EOGT: variants seen among roughly 807,000 people sequenced by gnomAD.
The protein encoded by EOGT is EGF domain specific O-linked N-acetylglucosamine transferase, also known as EGF domain-specific O-linked N-acetylglucosamine transferase.
In EOGT, 55 loss-of-function variants were observed where a neutral mutation model predicts 70.5. That is an observed-to-expected ratio of 0.78 (90% CI 0.63 to 0.98). The LOEUF (loss-of-function observed/expected upper bound fraction) is 0.98, where lower values mean the gene tolerates loss of function less well. Ranked by LOEUF, EOGT falls within the 50% of genes least tolerant of loss-of-function variation. The pLI, the probability that EOGT is intolerant of heterozygous loss-of-function variation, is 0.00. For synonymous variants in EOGT, 246 were observed against 217.1 expected, an observed-to-expected ratio of 1.13 and a Z score of -1.17; for missense variants, 703 against 641.9, an observed-to-expected ratio of 1.10 and a Z score of -1.03.
intron 6 of EOGT, among the ~76,000 whole-genome samples, chr3:69,005,677 G>A (rs922842810): frequency 6.6e-6 from 1 of 152,190 alleles, no homozygotes; most frequent in African/African-American, 2.4e-5. Flanking sequence ...GTTTTAATAA[G>A]AGGTGCTTTC....
intron 7 of EOGT, among the ~76,000 whole-genome samples, chr3:69,004,870 C>G (rs2091397258): frequency 6.6e-6 from 1 of 152,024 alleles, no homozygotes; most frequent in African/African-American, 2.4e-5. Flanking sequence ...TTGAGACCCG[C>G]CTGGGCAACG....
Position 69,009,618 on chromosome 3 carries a change from G to A in EOGT, c.210+19C>T. ...AATTGCATCCTCATAAAAATAAGGA[G>A]AAAAGAAATAATACCTACCTTATAT... On this transcript the variant is annotated intron_variant, in intron 4 of 17. Transcript: ENST00000383701. 2 of 1,586,782 alleles carry A rather than the reference G, an allele frequency of 1.3e-6. No individual in the cohort carries two copies. Among genetic ancestry groups the A allele is most frequent in the Non-Finnish European group, 1.7e-6 (2 of 1,156,496 alleles).
chr3:68,988,962 T>A lies in EOGT; in HGVS notation c.887A>T (p.Tyr296Phe). ...ATAAGTTTTCAAATGTATAACGTCA[T>A]AATCAGTAAATGCATTCCATGTGTC... The part of the protein sequence containing the change: ...FSDTWNAFTD[Y>F]DVIHLKTYDS... Residue 296 changes from tyrosine (Y) to phenylalanine (F), a missense_variant, in exon 11 of 18, where the codon TAT becomes TTT. Coordinates refer to ENST00000383701, the MANE Select transcript of EOGT (RefSeq NM_001278689.2). The A allele has an allele frequency of 1.3e-6, 2 of 1,532,136 alleles. No homozygotes were observed. The highest frequency in any genetic ancestry group is 1.7e-6 in the Non-Finnish European group (2 of 1,144,876). The allele number at this position is 1,532,136 out of a possible 1,614,324, so 94.9% of individuals were successfully genotyped here.
chr3:68,998,206 G>T, intron 9 of EOGT, 92 bp from the exon 10 acceptor site: 1 of 720,734 alleles, frequency 1.4e-6, no homozygotes, highest in African/African-American at 1.8e-5. Flanking sequence ...CAGTTTAAGA[G>T]AATTTTAGTT....
intron 9 of EOGT, among the ~76,000 whole-genome samples, chr3:69,000,482 G>A (rs569835759): frequency 9.2e-5 from 14 of 152,036 alleles, no homozygotes; most frequent in African/African-American, 3.4e-4. Context: ...ATTTTTACTC[G>A]CTTTTATTTC....
At chr3:68,993,275 A>AGGG (rs1458575192) in intron 10 of EOGT, among the ~76,000 whole-genome samples, 1 of 152,190 alleles carries the variant, frequency 6.6e-6, no homozygotes, top group Non-Finnish European at 1.5e-5. Context: ...CACAGCACCC[A>AGGG]AATCACCTTT....
intron 10 of EOGT, among the ~76,000 whole-genome samples, chr3:68,994,039 T>C (rs1015134210): frequency 3.3e-5 from 5 of 152,174 alleles, no homozygotes; most frequent in Non-Finnish European, 7.3e-5. Context: ...AGGACCAATC[T>C]GGGTACCATA....
At chr3:68,989,474 G>A (rs1208487356) in intron 10 of EOGT, among the ~76,000 whole-genome samples, 1 of 152,084 alleles carries the variant, frequency 6.6e-6, no homozygotes, top group Non-Finnish European at 1.5e-5. Flanking sequence ...CTGGCTGGGT[G>A]CGGTGGCTCA....
chr3:68,994,726 A>G (rs761870148), intron 10 of EOGT, among the ~76,000 whole-genome samples: 6 of 152,112 alleles, frequency 3.9e-5, no homozygotes, highest in Non-Finnish European at 7.4e-5. Context: ...GGGAAGCGGA[A>G]GTTGCAGTGA....
intron 10 of EOGT, among the ~76,000 whole-genome samples, 151 bp from the exon 11 acceptor site, chr3:68,989,168 T>C (rs1575731397): frequency 6.6e-6 from 1 of 152,350 alleles, no homozygotes; most frequent in African/African-American, 2.4e-5. Context: ...TGGATCTTCA[T>C]CTTGGGCCAG....
In EOGT at chr3:68,979,855, T is replaced by C. The variant is rs1035415546; in HGVS notation, c.1215-68A>G. 5 of 1,474,320 alleles carry C rather than the reference T, an allele frequency of 3.4e-6. No individual in the cohort carries two copies. In the African/African-American group the frequency reaches 7.0e-5, roughly 21 times the overall value. 91.3% of individuals were successfully genotyped at this position (1,474,320 alleles called of 1,614,324 possible). ...AGAAGTATTAGGTTGAGTTAGTTCATGATTCACAGTAAGGATATTTATAAA... is the reference window on the plus strand; with the variant it reads ...AGAAGTATTAGGTTGAGTTAGTTCACGATTCACAGTAAGGATATTTATAAA... On this transcript the variant is annotated intron_variant, in intron 15 of 17. Transcript: ENST00000383701.
chr3:68,982,269 C>A (rs935872443), intron 15 of EOGT, among the ~76,000 whole-genome samples: 9 of 152,202 alleles, frequency 5.9e-5, no homozygotes, highest in African/African-American at 2.2e-4. Flanking sequence ...CCTTTAATTG[C>A]AGCACTTTGG....
chr3:68,998,261 G>A (rs1318562156), intron 9 of EOGT, 147 bp from the exon 10 acceptor site: 1 of 590,856 alleles, frequency 1.7e-6, no homozygotes, highest in Non-Finnish European at 2.9e-6. Context: ...TTCCAAACAT[G>A]AAATGATCTA....
At chr3:68,979,063 C>G (rs1301785810) in intron 16 of EOGT, among the ~76,000 whole-genome samples, 1 of 152,066 alleles carries the variant, frequency 6.6e-6, no homozygotes, top group Non-Finnish European at 1.5e-5. Context: ...ACCATAGAAC[C>G]CAGATATTTA....
At chr3:68,993,687 C>T (rs1260718320) in intron 10 of EOGT, among the ~76,000 whole-genome samples, 1 of 152,076 alleles carries the variant, frequency 6.6e-6, no homozygotes, top group African/African-American at 2.4e-5. Context: ...TGTATGAGTC[C>T]GTTTTCAGTC....
intron 14 of EOGT, among the ~76,000 whole-genome samples, chr3:68,985,615 T>A (rs1238499131): frequency 6.6e-6 from 1 of 152,248 alleles, no homozygotes; most frequent in Non-Finnish European, 1.5e-5. Context: ...TCATAGGTCC[T>A]ATCTCCAAAA....
chr3:68,980,506 G>C (rs551555863), intron 15 of EOGT, among the ~76,000 whole-genome samples: 1 of 152,194 alleles, frequency 6.6e-6, no homozygotes, highest in African/African-American at 2.4e-5. Context: ...TGAGGCTAGG[G>C]AGAAATGCTG....
chr3:68,997,168 G>A (rs549743189), intron 10 of EOGT, among the ~76,000 whole-genome samples: 2 of 152,138 alleles, frequency 1.3e-5, no homozygotes, highest in Admixed American at 6.6e-5. Flanking sequence ...TAAATAGCAG[G>A]TGTCACTCAA....
Position 68,977,569 on chromosome 3 carries a change from G to A in EOGT, c.*49C>T. 6.4e-7 allele frequency: 1 copy of A among 1,573,824 alleles called. No homozygotes were observed. The highest frequency in any genetic ancestry group is 8.7e-7 in the Non-Finnish European group (1 of 1,152,446). ...CTTTACTGATTTAATTCTAAGTCTG[G>A]GTGTTGGAGTGTTTAAACACTCTCT... is the stretch of plus-strand genomic sequence containing the variant. On this transcript the variant is annotated 3_prime_UTR_variant, in exon 18 of 18. Transcript: ENST00000383701.
Sources: allele counts gnomAD v4.1 joint callset (sites outside exome capture counted in the v4.1 genomes callset), GRCh38; gene constraint gnomAD v4.1.1; transcripts MANE v1.5; gene names NCBI Gene and HGNC (gene_info 2026-07-23, HGNC 2026-07-21).